The following ZNF705A variants were observed in gnomAD, a reference collection of about 807,000 sequenced individuals.
The protein encoded by ZNF705A is zinc finger protein 705A.
ZNF705A carries 8 observed loss-of-function variants against 16.6 expected under a neutral mutation model. The ratio of observed to expected loss-of-function variants is 0.48; its 90% CI spans 0.28 to 0.87. The LOEUF (loss-of-function observed/expected upper bound fraction) is 0.87. Ranked by LOEUF, ZNF705A falls within the 40% of genes least tolerant of loss-of-function variation. The probability of loss-of-function intolerance (pLI) is 0.10; values close to 1 mark genes in which losing one functional copy is unlikely to be tolerated. For synonymous variants in ZNF705A, 73 were observed against 117.3 expected, an observed-to-expected ratio of 0.62 and a Z score of 2.44; for missense variants, 233 against 359.9, an observed-to-expected ratio of 0.65 and a Z score of 2.85.
exon 5 of ZNF705A, chr12:8,177,333 A>G (rs146422563): frequency 6.8e-6 from 11 of 1,611,860 alleles, no homozygotes; most frequent in Non-Finnish European, 9.3e-6. Flanking sequence ...CTTAGAAGAC[A>G]TGAGAAAACT....
chr12:8,171,140 TTAAA>T (rs1489364894), upstream of ZNF705A, among the ~76,000 whole-genome samples: 1 of 152,174 alleles, frequency 6.6e-6, no homozygotes, highest in Non-Finnish European at 1.5e-5. Context: ...ATTATGAGGG[TTAAA>T]TAAGGAAATA....
At chr12:8,174,102 A>G (rs1227359309) in intron 1 of ZNF705A, among the ~76,000 whole-genome samples, 1 of 152,188 alleles carries the variant, frequency 6.6e-6, no homozygotes, top group African/African-American at 2.4e-5. Flanking sequence ...GCCACACCTC[A>G]CGCGATATTT....
upstream of ZNF705A, among the ~76,000 whole-genome samples, chr12:8,171,175 A>G (rs186168722): frequency 1.3e-4 from 20 of 152,366 alleles, no homozygotes; most frequent in African/African-American, 4.8e-4. Context: ...TGTAAGCACA[A>G]TGTCACAATT....
chr12:8,171,487 C>G (rs951004705), upstream of ZNF705A, among the ~76,000 whole-genome samples: 1 of 152,182 alleles, frequency 6.6e-6, no homozygotes, highest in South Asian at 2.1e-4. Flanking sequence ...ATATAAACCA[C>G]GATTGCAAGA....
intron 3 of ZNF705A, among the ~76,000 whole-genome samples, 179 bp from the exon 5 acceptor site, chr12:8,175,681 A>G (rs1204494795): frequency 2.0e-5 from 3 of 152,178 alleles, no homozygotes. Flanking sequence ...AATTTTAAAA[A>G]TCTTTTCTAA....
chr12:8,163,445 A>T (rs1472189160), intron 1 of ZNF705A, among the ~76,000 whole-genome samples: 3 of 152,168 alleles, frequency 2.0e-5, no homozygotes, highest in Non-Finnish European at 4.4e-5. Context: ...AAATAGAGTA[A>T]CCATACACAA....
upstream of ZNF705A, among the ~76,000 whole-genome samples, chr12:8,172,369 C>T (rs747641160): frequency 6.6e-6 from 1 of 152,056 alleles, no homozygotes; most frequent in African/African-American, 2.4e-5. Context: ...TCTTTATTAG[C>T]AACCATAGTC....
At chr12:8,176,363 A>G (rs1948484291) in intron 4 of ZNF705A, among the ~76,000 whole-genome samples, 2 of 152,174 alleles carry the variant, frequency 1.3e-5, no homozygotes, top group Admixed American at 6.5e-5. Context: ...GGACAGGTGT[A>G]TGCCTTTCTC....
chr12:8,167,129 T>C (rs1456233244), intron 1 of ZNF705A, among the ~76,000 whole-genome samples: 4 of 152,226 alleles, frequency 2.6e-5, no homozygotes, highest in African/African-American at 9.6e-5. Flanking sequence ...CCATTTGTTT[T>C]CAAGTCCAGT....
chr12:8,157,853 G>A (rs1591619786), intron 1 of ZNF705A, among the ~76,000 whole-genome samples: 1 of 152,208 alleles, frequency 6.6e-6, no homozygotes, highest in East Asian at 1.9e-4. Context: ...GAGGGCAGAA[G>A]CCAGGAAGAA....
At chr12:8,161,189 G>C (rs958538271) in intron 1 of ZNF705A, among the ~76,000 whole-genome samples, 47 of 152,184 alleles carry the variant, frequency 3.1e-4, no homozygotes, top group African/African-American at 1.1e-3. Context: ...TTTGATCATG[G>C]TTGGATTCAG....
At chr12:8,157,916 G>T (rs1365919039) in intron 1 of ZNF705A, among the ~76,000 whole-genome samples, 2 of 152,110 alleles carry the variant, frequency 1.3e-5, no homozygotes, top group Non-Finnish European at 2.9e-5. Context: ...TTACAGGCAG[G>T]TTTTTAAAGG....
chr12:8,166,504 C>T (rs1446131904), intron 1 of ZNF705A, among the ~76,000 whole-genome samples: 1 of 152,182 alleles, frequency 6.6e-6, no homozygotes, highest in East Asian at 1.9e-4. Context: ...ACCAGTTTTG[C>T]TTGGCTGTCA....
intron 1 of ZNF705A, among the ~76,000 whole-genome samples, chr12:8,166,235 C>G (rs767036343): frequency 2.6e-5 from 4 of 152,180 alleles, no homozygotes; most frequent in African/African-American, 4.8e-5. Flanking sequence ...AGTAGACATT[C>G]GCCATGAAGT....
At chr12:8,162,409 C>A (rs191250426) in intron 1 of ZNF705A, among the ~76,000 whole-genome samples, 9 of 152,100 alleles carry the variant, frequency 5.9e-5, no homozygotes, top group Admixed American at 5.9e-4. Context: ...CAGAGCGAGG[C>A]CTCATTAACA....
At chr12:8,177,132 A>G (rs770951735) in exon 5 of ZNF705A, 1 of 1,611,862 alleles carries the variant, frequency 6.2e-7, no homozygotes, top group Non-Finnish European at 8.5e-7. Flanking sequence ...CAGTGTGGAA[A>G]ATCTCTTCGT....
At chr12:8,164,719 T>C (rs1048008012) in intron 1 of ZNF705A, among the ~76,000 whole-genome samples, 1 of 152,256 alleles carries the variant, frequency 6.6e-6, no homozygotes, top group African/African-American at 2.4e-5. Context: ...CCACATTTTC[T>C]TTATCCAGTC....
chr12:8,168,084 C>T (rs889563136), upstream of ZNF705A, among the ~76,000 whole-genome samples: 1 of 152,190 alleles, frequency 6.6e-6, no homozygotes, highest in Non-Finnish European at 1.5e-5. Flanking sequence ...CCATCTGAAG[C>T]TTTCTTTCCT....
chr12:8,165,171 T>C (rs180721427), intron 1 of ZNF705A, among the ~76,000 whole-genome samples: 172 of 152,264 alleles, frequency 1.1e-3, no homozygotes, highest in Non-Finnish European at 1.9e-3. Flanking sequence ...TTCATGGTGG[T>C]TTTTATTTGC....
Sources: gnomAD v4.1 joint callset for allele counts (sites outside exome capture counted in the v4.1 genomes callset) on GRCh38, gnomAD v4.1.1 for gene constraint, MANE v1.5 for transcripts, NCBI Gene and HGNC (gene_info 2026-07-23, HGNC 2026-07-21) for gene names.